The following SPATA13 variants were observed in gnomAD, a reference collection of about 807,000 sequenced individuals.
SPATA13 encodes spermatogenesis-associated protein 13.
A neutral mutation model predicts 104.0 loss-of-function variants in SPATA13; 50 were observed. That is an observed-to-expected ratio of 0.48 (90% CI 0.38 to 0.61). SPATA13 has a LOEUF of 0.61. Among genes scored for constraint, SPATA13 ranks in the 20% least tolerant of loss-of-function variants. The pLI is 0.00. For missense variants in SPATA13, 1,524 were observed against 1,690.6 expected, an observed-to-expected ratio of 0.90 and a Z score of 1.73; for synonymous variants, 606 against 667.5, an observed-to-expected ratio of 0.91 and a Z score of 1.42.
At chr13:24,169,750 C>T (rs1882891480) in intron 1 of SPATA13, among the ~76,000 whole-genome samples, 1 of 152,188 alleles carries the variant, frequency 6.6e-6, no homozygotes, top group African/African-American at 2.4e-5. Flanking sequence ...AAGGTAACCT[C>T]CTGCAGACCT....
chr13:24,234,159 C>A (rs192674348), intron 2 of SPATA13, among the ~76,000 whole-genome samples: 1 of 152,194 alleles, frequency 6.6e-6, no homozygotes, highest in South Asian at 2.1e-4. Flanking sequence ...TTGTAATCAA[C>A]TTGTCATGAT....
intron 3 of SPATA13, among the ~76,000 whole-genome samples, chr13:24,154,562 G>A (rs974659107): frequency 1.3e-5 from 2 of 152,178 alleles, no homozygotes; most frequent in South Asian, 2.1e-4. Context: ...CTTTTGAGGC[G>A]CTAGAAATTT....
chr13:24,160,436 G>T (rs1050104596), upstream of SPATA13, among the ~76,000 whole-genome samples: 2 of 152,124 alleles, frequency 1.3e-5, no homozygotes. Flanking sequence ...TAGAGACGGG[G>T]TTTCACCATG....
At chr13:24,206,899 A>G (rs908246875) in intron 1 of SPATA13, among the ~76,000 whole-genome samples, 1 of 152,104 alleles carries the variant, frequency 6.6e-6, no homozygotes, top group African/African-American at 2.4e-5. Flanking sequence ...TCAAAAAAAA[A>G]AAAAAAAGAT....
chr13:24,005,987 A>G (rs1876206794), intron 2 of SPATA13, among the ~76,000 whole-genome samples: 1 of 152,178 alleles, frequency 6.6e-6, no homozygotes, highest in African/African-American at 2.4e-5. Context: ...GTTTGGACCC[A>G]TGCTTCGGGA....
At chr13:24,194,232 T>A (rs1869926516) in intron 1 of SPATA13, among the ~76,000 whole-genome samples, 1 of 152,198 alleles carries the variant, frequency 6.6e-6, no homozygotes, top group Admixed American at 6.5e-5. Context: ...CCAATACGTA[T>A]AGTTATTTAA....
chr13:24,170,390 A>G (rs1346686204), intron 1 of SPATA13, among the ~76,000 whole-genome samples: 1 of 152,218 alleles, frequency 6.6e-6, no homozygotes, highest in Non-Finnish European at 1.5e-5. Context: ...ATGTCCTACC[A>G]TAGGAGTCTA....
intron 9 of SPATA13, 91 bp from the exon 10 acceptor site, chr13:24,294,648 G>A (rs755460129): frequency 2.2e-4 from 301 of 1,398,532 alleles, no homozygotes; most frequent in Admixed American, 4.0e-4. Flanking sequence ...TAGAGCATTC[G>A]TATACGAAGA....
intron 3 of SPATA13, among the ~76,000 whole-genome samples, chr13:24,142,406 T>A (rs1246814081): frequency 1.3e-5 from 2 of 152,186 alleles, no homozygotes; most frequent in African/African-American, 2.4e-5. Flanking sequence ...TCTTTAGTTT[T>A]TCTTTGTCTT....
intron 1 of SPATA13, among the ~76,000 whole-genome samples, chr13:24,187,398 C>A (rs1869216744): frequency 6.6e-6 from 1 of 152,136 alleles, no homozygotes; most frequent in Admixed American, 6.5e-5. Context: ...CCCTCTTTCT[C>A]TCCACCCTTC....
intron 3 of SPATA13, among the ~76,000 whole-genome samples, chr13:24,070,600 A>T (rs1004314086): frequency 6.6e-6 from 1 of 152,172 alleles, no homozygotes; most frequent in Non-Finnish European, 1.5e-5. Flanking sequence ...CAGGGTGCTG[A>T]TATTTGGTTG....
At chr13:23,987,773 C>G (rs1049451534) in intron 2 of SPATA13, among the ~76,000 whole-genome samples, 1 of 152,156 alleles carries the variant, frequency 6.6e-6, no homozygotes, top group Non-Finnish European at 1.5e-5. Context: ...CCACTCCCCT[C>G]TCCAACCCCT....
chr13:23,994,107 T>TA lies in SPATA13; in HGVS notation c.-147+10175dup, dbSNP rs1288281935. On this transcript the variant is annotated intron_variant, in intron 2 of 14. Coordinates refer to the SPATA13 transcript ENST00000424834. ...CAGTGACGGATATTCTTGTCATTCT[T>TA]ACAGTTTTGGGGTAAAGGAAATGTA... Among the ~76,000 whole-genome samples, 7 of 152,298 alleles carry TA rather than the reference T, an allele frequency of 4.6e-5. No individual in the cohort carries two copies. The East Asian group carries it at 1.3e-3, about 29-fold the overall frequency.
At chr13:24,204,327 C>T (rs1870582963) in intron 1 of SPATA13, among the ~76,000 whole-genome samples, 1 of 152,116 alleles carries the variant, frequency 6.6e-6, no homozygotes, top group Admixed American at 6.5e-5. Context: ...AATTGTGAAT[C>T]TTCCTGAATC....
chr13:24,003,502 G>A (rs557317726), intron 2 of SPATA13, among the ~76,000 whole-genome samples: 36 of 152,252 alleles, frequency 2.4e-4, no homozygotes, highest in African/African-American at 8.7e-4. Flanking sequence ...TTTTTTCTTT[G>A]GAAGCATGTA....
intron 1 of SPATA13, among the ~76,000 whole-genome samples, chr13:24,179,766 G>A (rs1868684610): frequency 2.0e-5 from 3 of 152,206 alleles, no homozygotes; most frequent in African/African-American, 7.2e-5. Context: ...GATGCATGAT[G>A]ATGTTGAACA....
At chr13:24,279,858 T>A (rs950783854) in intron 4 of SPATA13, among the ~76,000 whole-genome samples, 1 of 152,192 alleles carries the variant, frequency 6.6e-6, no homozygotes, top group East Asian at 1.9e-4. Context: ...CCCTGGCCTC[T>A]GCCCCCCATC....
intron 4 of SPATA13, chr13:24,270,716 CAT>C: frequency 6.6e-7 from 1 of 1,515,318 alleles, no homozygotes; most frequent in Non-Finnish European, 8.9e-7. Flanking sequence ...GCCGGGAACG[CAT>C]ACAACGTCAA....
chr13:24,080,765 A>G (rs1040356161), intron 3 of SPATA13, among the ~76,000 whole-genome samples: 29 of 152,194 alleles, frequency 1.9e-4, no homozygotes, highest in African/African-American at 6.8e-4. Context: ...TGGCATGTGG[A>G]ACGTCCATCG....
Sources: allele counts gnomAD v4.1 joint callset (sites outside exome capture counted in the v4.1 genomes callset), GRCh38; gene constraint gnomAD v4.1.1; transcripts MANE v1.5; gene names NCBI Gene and HGNC (gene_info 2026-07-23, HGNC 2026-07-21).